Variants in PLCB3 observed in about 807,000 individuals in gnomAD.
PLCB3 encodes the protein 1-phosphatidylinositol 4,5-bisphosphate phosphodiesterase beta-3.
A neutral mutation model predicts 152.1 loss-of-function variants in PLCB3; 54 were observed. That is an observed-to-expected ratio of 0.36 (90% CI 0.29 to 0.45). The LOEUF (loss-of-function observed/expected upper bound fraction) is 0.45, where lower values mean the gene tolerates loss of function less well. Ranked by LOEUF, PLCB3 falls within the 20% of genes least tolerant of loss-of-function variation. The pLI, the probability that PLCB3 is intolerant of heterozygous loss-of-function variation, is 1.00. For synonymous variants in PLCB3, 717 were observed against 698.7 expected (o/e 1.03, Z -0.41); for missense variants, 1,248 against 1,687.5 (o/e 0.74, Z 4.56).
At position 64,251,569 on chromosome 11, in the gene PLCB3, A is replaced by C; in HGVS notation, c.-81A>C. 1.9e-6 allele frequency: 1 copy of C among 525,180 alleles called. No individual in the cohort carries two copies. Among genetic ancestry groups the C allele is most frequent in the Non-Finnish European group, 2.8e-6 (1 of 361,160 alleles). The allele number at this position is 525,180 out of a possible 1,614,324, so 32.5% of individuals were successfully genotyped here. A position where few individuals can be genotyped will look rare whatever the true frequency, so the allele number is the denominator to read the frequency against. ...GCGGGCACTGACGCCGCGGGGCCGG[A>C]GCGGGCCGCGCGGTGGGAGCAGCGG... On this transcript the variant is annotated 5_prime_UTR_variant, in exon 1 of 31. Transcript: ENST00000279230.
At chr11:64,252,691 G>A (rs1249273251) in intron 1 of PLCB3, among the ~76,000 whole-genome samples, 1 of 152,170 alleles carries the variant, frequency 6.6e-6, no homozygotes, top group Non-Finnish European at 1.5e-5. Flanking sequence ...GGGTGCCTGG[G>A]GGCCCCAGGG....
At position 64,266,112 on chromosome 11, in the gene PLCB3, C is replaced by A; in HGVS notation, c.3190-14C>A. On this transcript the variant is annotated splice_polypyrimidine_tract_variant and intron_variant, in intron 26 of 30. Coordinates refer to ENST00000279230, the MANE Select transcript of PLCB3 (RefSeq NM_000932.5). The surrounding 1 kb of genome is among the most constrained non-coding windows in gnomAD (Gnocchi z 4.9). ...GTCAGCCCGGCATCACCTGTCAGCT[C>A]CCTGTGTCCACAGGCTCTGCAGCGG... The A allele has an allele frequency of 1.2e-6, 2 of 1,614,032 alleles. No homozygotes were observed. Among genetic ancestry groups the A allele is most frequent in the Non-Finnish European group, 1.7e-6 (2 of 1,179,966 alleles).
At position 64,255,841 on chromosome 11, in the gene PLCB3, C is replaced by A. The variant is rs939348172; in HGVS notation, c.698+20C>A. On this transcript the variant is annotated intron_variant, in intron 8 of 30. Transcript: ENST00000279230. The surrounding 1 kb of genome is among the most constrained non-coding windows in gnomAD (Gnocchi z 6.8). ...GGAGATGTGAGTGGGCCCGGCCTGC[C>A]TCACAACCCCTGTGCTCTGTGTTTA... is the stretch of plus-strand genomic sequence containing the variant. 1.1e-5 allele frequency: 17 copies of A among 1,512,886 alleles called. No homozygotes were observed. The highest frequency in any genetic ancestry group is 1.5e-5 in the Non-Finnish European group (16 of 1,087,870). 93.7% of individuals were successfully genotyped at this position (1,512,886 alleles called of 1,614,324 possible).
chr11:64,262,921 AGTG>A (rs1195599811), intron 19 of PLCB3, 113 bp downstream of exon 19: 2 of 1,134,646 alleles, frequency 1.8e-6, no homozygotes, highest in Non-Finnish European at 2.5e-6. Flanking sequence ...GGGATCAGAA[AGTG>A]GGGGGTGCCA....
chr11:64,264,972 T>C lies in PLCB3; in HGVS notation c.2674T>C (p.Cys892Arg). 6.2e-7 allele frequency: 1 copy of C among 1,612,918 alleles called. No homozygotes were observed. Among genetic ancestry groups the C allele is most frequent in the Non-Finnish European group, 8.5e-7 (1 of 1,179,858 alleles). The change falls in exon 23 of 31, where the codon TGC (cysteine) becomes CGC (arginine). Residue 892 changes from cysteine to arginine, a missense_variant. This residue lies in a region of PLCB3 where 477 missense variants were observed against 489.6 expected (regional missense o/e 0.97). Transcript: ENST00000279230. ...ESEAQAGQET[C>R]QDTQSQQLGS... ...ATAGGCTCAGGCTGGCCAAGAGACG[T>C]GCCAGGACACCCAGTCTCAGCAGCT...
In PLCB3 at chr11:64,258,776, T is replaced by C; in HGVS notation, c.1253+63T>C. ...GGACAGTCTTCCAGCTTCAGTGCTG[T>C]TGGACTGCTCAGGGACCTCCAACCC... On this transcript the variant is annotated intron_variant, in intron 11 of 30. Coordinates refer to ENST00000279230, the MANE Select transcript of PLCB3 (RefSeq NM_000932.5). The surrounding 1 kb of genome is among the most constrained non-coding windows in gnomAD (Gnocchi z 7.2). 6.2e-7 allele frequency: 1 copy of C among 1,607,404 alleles called. No homozygotes were observed. Among genetic ancestry groups the C allele is most frequent in the Non-Finnish European group, 8.5e-7 (1 of 1,175,072 alleles).
Position 64,263,753 on chromosome 11 carries a change from A to G in PLCB3, c.2518A>G (p.Ile840Val). Residue 840 changes from isoleucine (I) to valine (V), a missense_variant, in exon 21 of 31, where the codon ATC becomes GTC. Coordinates refer to ENST00000279230, the MANE Select transcript of PLCB3 (RefSeq NM_000932.5). ...NQPLCLPALL[I>V]YTEASDYIPD... ...ACCGCTGTGCCTGCCGGCCCTGCTC[A>G]TCTACACCGAAGCCTCGGACTACAT... 1.2e-6 allele frequency: 2 copies of G among 1,613,416 alleles called. No individual in the cohort carries two copies. Among genetic ancestry groups the G allele is most frequent in the Non-Finnish European group, 1.7e-6 (2 of 1,179,914 alleles).
Position 64,265,382 on chromosome 11 carries a change from G to A in PLCB3, c.2915G>A (p.Arg972Gln), listed in dbSNP as rs1216988104. 4 of 1,612,436 alleles carry A rather than the reference G, an allele frequency of 2.5e-6. No homozygotes were observed. The African/African-American group carries it at 4.0e-5, about 16-fold the overall frequency. ...ALVKLRSRQERDLRELRKKHQ... is the reference protein window; with the variant it reads ...ALVKLRSRQEQDLRELRKKHQ... ...GTCAAGCTCCGGAGCCGGCAAGAGC[G>A]AGACCTGCGGGAGCTGCGCAAGAAG... is the stretch of plus-strand genomic sequence containing the variant. The change falls in exon 25 of 31, where the codon CGA (arginine) becomes CAA (glutamine). Residue 972 changes from arginine to glutamine, a missense_variant. By Grantham distance (43) the Arg-to-Gln change is conservative. Transcript: ENST00000279230.
In PLCB3 at chr11:64,251,558, C is replaced by T. The variant is rs934767946; in HGVS notation, c.-92C>T. The T allele has an allele frequency of 1.5e-4, 65 of 429,024 alleles. No individual in the cohort carries two copies. The highest frequency in any genetic ancestry group is 2.0e-4 in the Non-Finnish European group (57 of 281,870). 26.6% of individuals were successfully genotyped at this position (429,024 alleles called of 1,614,324 possible). On this transcript the variant is annotated 5_prime_UTR_variant, in exon 1 of 31. Coordinates refer to ENST00000279230, the MANE Select transcript of PLCB3 (RefSeq NM_000932.5). ...CTGGCGGGCGGGCGGGCACTGACGC[C>T]GCGGGGCCGGAGCGGGCCGCGCGGT... is the stretch of plus-strand genomic sequence containing the variant.
chr11:64,251,598 C>T lies in PLCB3; in HGVS notation c.-52C>T, dbSNP rs1319748527. Reference sequence around the variant, plus strand: ...GGCCGCGCGGTGGGAGCAGCGGCGCCGTCGGTCCCCGTCAGGGCTCCGTGG... The same window carrying T: ...GGCCGCGCGGTGGGAGCAGCGGCGCTGTCGGTCCCCGTCAGGGCTCCGTGG... On this transcript the variant is annotated 5_prime_UTR_variant, in exon 1 of 31. Coordinates refer to ENST00000279230, the MANE Select transcript of PLCB3 (RefSeq NM_000932.5). 4.5e-6 allele frequency: 4 copies of T among 890,402 alleles called. No individual in the cohort carries two copies. Among genetic ancestry groups the T allele is most frequent in the Non-Finnish European group, 4.5e-6 (3 of 666,404 alleles). The allele number at this position is 890,402 out of a possible 1,614,324, so 55.2% of individuals were successfully genotyped here.
chr11:64,259,446 G>A (rs937392125), intron 13 of PLCB3, among the ~76,000 whole-genome samples: 5 of 152,128 alleles, frequency 3.3e-5, no homozygotes, highest in Non-Finnish European at 7.4e-5. Flanking sequence ...GTCTCACCCA[G>A]CTGCACCCCA....
In PLCB3 at chr11:64,265,438, C is replaced by T. The variant is rs2032070292; in HGVS notation, c.2971C>T (p.Arg991Cys). ...HQRKAVTLTR[R>C]LLDGLAQAQA... ...GCGGAAGGCAGTCACCCTCACCCGCCGCCTGCTGGATGGCCTGGCTCAGGC... is the reference window on the plus strand; with the variant it reads ...GCGGAAGGCAGTCACCCTCACCCGCTGCCTGCTGGATGGCCTGGCTCAGGC... The change falls in exon 25 of 31, where the codon CGC (arginine) becomes TGC (cysteine). Residue 991 changes from arginine to cysteine, a missense_variant. By Grantham distance (180) the Arg-to-Cys change is radical (BLOSUM62 -3). Around this residue, in one of 6 missense-constraint regions of PLCB3, gnomAD observed 477 missense variants for 489.6 expected, o/e 0.97. Coordinates refer to ENST00000279230, the MANE Select transcript of PLCB3 (RefSeq NM_000932.5). 3 of 1,610,890 alleles carry T rather than the reference C, an allele frequency of 1.9e-6. No individual in the cohort carries two copies. The highest frequency in any genetic ancestry group is 1.7e-6 in the Non-Finnish European group (2 of 1,179,852).
At position 64,262,385 on chromosome 11, in the gene PLCB3, C is replaced by T. The variant is rs369815905; in HGVS notation, c.2039-22C>T. ...GTCCTGCCTGATCCCTGCCCCTGCT[C>T]GACGTGCCCGTGGCACCCCAGATGT... On this transcript the variant is annotated intron_variant, in intron 17 of 30. Coordinates refer to ENST00000279230, the MANE Select transcript of PLCB3 (RefSeq NM_000932.5). 66 of 1,607,722 alleles carry T rather than the reference C, an allele frequency of 4.1e-5. No homozygotes were observed. The African/African-American group carries it at 6.1e-4, about 15-fold the overall frequency.
intron 14 of PLCB3, 125 bp from the exon 15 acceptor site, chr11:64,261,272 TGTC>T (rs1214265610): frequency 1.4e-6 from 1 of 731,738 alleles, no homozygotes; most frequent in Non-Finnish European, 2.4e-6. Context: ...GGGAGAAGAC[TGTC>T]GGCACCACCA....
chr11:64,255,342 C>T lies in PLCB3; in HGVS notation c.467+29C>T, dbSNP rs2302262. 22 of 1,613,372 alleles carry T rather than the reference C, an allele frequency of 1.4e-5. No homozygotes were observed. The highest frequency in any genetic ancestry group is 8.9e-5 in the East Asian group (4 of 44,870). ...AGCCCCAGGCCACCCGAGGGGGAGCCGGGGGGTTCACGTGGCCGTTTTCAG... is the reference window on the plus strand; with the variant it reads ...AGCCCCAGGCCACCCGAGGGGGAGCTGGGGGGTTCACGTGGCCGTTTTCAG... On this transcript the variant is annotated intron_variant, in intron 5 of 30. Transcript: ENST00000279230. The surrounding 1 kb of genome is among the most constrained non-coding windows in gnomAD (Gnocchi z 6.8).
rs1445981091 is a variant in PLCB3, at chr11:64,255,586, G to A, written c.567G>A (p.Ala189=). Residue 189 remains alanine (A), a synonymous_variant, in exon 7 of 31, where the codon GCG becomes GCA. Transcript: ENST00000279230. This position sits in a 1 kb window ranked among gnomAD's most constrained non-coding sequence, Gnocchi z 6.8. ...FSADKKRVET[A]LESCGLKFNR... ...CAGACAAGAAGCGGGTGGAGACTGC[G>A]CTGGAATCCTGTGGCCTCAAATTCA... The A allele has an allele frequency of 1.9e-6, 3 of 1,613,566 alleles. No individual in the cohort carries two copies. The highest frequency in any genetic ancestry group is 2.2e-5 in the East Asian group (1 of 44,834).
chr11:64,254,984 C>G lies in PLCB3; in HGVS notation c.333C>G (p.Asp111Glu). The G allele has an allele frequency of 6.3e-7, 1 of 1,588,336 alleles. No individual in the cohort carries two copies. The highest frequency in any genetic ancestry group is 8.6e-7 in the Non-Finnish European group (1 of 1,165,846). ...EKLMTVVSGP[D>E]PVNTVFLNFM... Reference sequence around the variant, plus strand: ...TGATGACGGTGGTGTCTGGGCCAGACCCAGTGAACACAGTGTTCTTGAACT... The same window carrying G: ...TGATGACGGTGGTGTCTGGGCCAGAGCCAGTGAACACAGTGTTCTTGAACT... Residue 111 changes from aspartate to glutamate, a missense_variant, in exon 4 of 31, where the codon GAC (aspartate) becomes GAG (glutamate). Asp to Glu is a conservative substitution (Grantham distance 45). Around this residue, in one of 6 missense-constraint regions of PLCB3, gnomAD observed 299 missense variants for 434.7 expected, o/e 0.69. Coordinates refer to ENST00000279230, the MANE Select transcript of PLCB3 (RefSeq NM_000932.5).
Position 64,266,259 on chromosome 11 carries a change from G to C in PLCB3, c.3267-56G>C. 2 of 1,613,786 alleles carry C rather than the reference G, an allele frequency of 1.2e-6. No individual in the cohort carries two copies. The highest frequency in any genetic ancestry group is 1.7e-6 in the Non-Finnish European group (2 of 1,179,930). On this transcript the variant is annotated intron_variant, in intron 27 of 30. Transcript: ENST00000279230. This position sits in a 1 kb window ranked among gnomAD's most constrained non-coding sequence, Gnocchi z 4.9. Reference sequence around the variant, plus strand: ...TGGGGACTTCTAGTACCAGAAGGAGGGCAGAGTCTGTGCTTCTGCCGCTGA... The same window carrying C: ...TGGGGACTTCTAGTACCAGAAGGAGCGCAGAGTCTGTGCTTCTGCCGCTGA...
Position 64,255,668 on chromosome 11 carries a change from C to G in PLCB3, c.597+52C>G, listed in dbSNP as rs551074298. 1.9e-6 allele frequency: 3 copies of G among 1,607,344 alleles called. No individual in the cohort carries two copies. In the South Asian group the frequency reaches 3.3e-5, roughly 18 times the overall value. ...GTGGGGTGTCACGGTGGGCACCCAC[C>G]CTTACGGGGCTGCCCGCCCCTGGCT... On this transcript the variant is annotated intron_variant, in intron 7 of 30. Transcript: ENST00000279230. This position sits in a 1 kb window ranked among gnomAD's most constrained non-coding sequence, Gnocchi z 6.8.
Sources: gnomAD v4.1 joint callset for allele counts (sites outside exome capture counted in the v4.1 genomes callset) on GRCh38, gnomAD v4.1.1 for gene constraint, gnomAD v4.1.1 regional missense constraint, Gnocchi (gnomAD v3.1) non-coding constraint, MANE v1.5 for transcripts, NCBI Gene and HGNC (gene_info 2026-07-23, HGNC 2026-07-21) for gene names.